AKAP14: variants seen among roughly 807,000 people sequenced by gnomAD.
The protein encoded by AKAP14 is A-kinase anchoring protein 14.
Under a neutral mutation model 17.0 loss-of-function variants are expected in AKAP14, and 4 were observed. The ratio of observed to expected loss-of-function variants is 0.23; its 90% confidence interval spans 0.12 to 0.54. The LOEUF is 0.54. AKAP14 is among the 20% of genes least tolerant of loss of function. AKAP14 has a pLI of 0.95. For synonymous variants in AKAP14, 42 were observed against 51.3 expected, an observed-to-expected ratio of 0.82 and a Z score of 0.77; for missense variants, 129 against 150.9, an observed-to-expected ratio of 0.85 and a Z score of 0.76.
chrX:119,906,522 C>G (rs1461689083), intron 4 of AKAP14, among the ~76,000 whole-genome samples: 1 of 99,239 alleles, frequency 1.0e-5, no homozygotes, highest in Non-Finnish European at 2.0e-5. Context: ...CGTGAGCCAT[C>G]GCGCCCGGCC....
chrX:119,913,151 T>A (rs78438773), intron 4 of AKAP14, among the ~76,000 whole-genome samples: 1,923 of 69,549 alleles, frequency 0.028, 31 homozygotes, highest in African/African-American at 0.13. Context: ...AATAAATAAA[T>A]AAAATAAAAT....
intron 2 of AKAP14, among the ~76,000 whole-genome samples, chrX:119,898,969 C>T (rs1361729544): frequency 3.7e-5 from 4 of 107,438 alleles, no homozygotes; most frequent in Non-Finnish European, 5.8e-5. Context: ...GAGTTCAAGA[C>T]CAGCCTGGCC....
intron 2 of AKAP14, among the ~76,000 whole-genome samples, chrX:119,897,806 G>T (rs2147825225): frequency 9.0e-6 from 1 of 111,323 alleles, no homozygotes; most frequent in South Asian, 3.8e-4. Context: ...GCCAACATCA[G>T]TCTGGGCAAC....
Position 119,897,361 on chromosome X carries a change from G to C in AKAP14, c.-11+1094G>C, listed in dbSNP as rs1432041866. Reference sequence around the variant, plus strand: ...TTTTTAGTAGAGACGGGGTTTCACTGTGTTAGCCAGGATGGTCTCGATCTC... The same window carrying C: ...TTTTTAGTAGAGACGGGGTTTCACTCTGTTAGCCAGGATGGTCTCGATCTC... On this transcript the variant is annotated intron_variant, in intron 2 of 6. Coordinates refer to ENST00000371431, the MANE Select transcript of AKAP14 (RefSeq NM_178813.6). Among the ~76,000 whole-genome samples, 4 of 108,038 alleles carry C rather than the reference G, an allele frequency of 3.7e-5. No individual in the cohort carries two copies. The East Asian group carries it at 1.2e-3, about 32-fold the overall frequency. 93.8% of individuals were successfully genotyped at this position (108,038 alleles called of 115,157 possible). A position where few individuals can be genotyped will look rare whatever the true frequency, so the allele number is the denominator to read the frequency against.
At chrX:119,908,161 C>A (rs1230011105) in intron 4 of AKAP14, among the ~76,000 whole-genome samples, 2 of 110,009 alleles carry the variant, frequency 1.8e-5, no homozygotes, top group Non-Finnish European at 3.8e-5. Context: ...GTAGTGTGTG[C>A]CTGTAATCCC....
chrX:119,904,880 G>A (rs1320767752), intron 4 of AKAP14, among the ~76,000 whole-genome samples: 2 of 96,200 alleles, frequency 2.1e-5, no homozygotes, highest in East Asian at 3.4e-4. Flanking sequence ...GCAAGACTCC[G>A]TCTCAAAAAA....
chrX:119,899,432 G>GCC (rs1291347101), intron 2 of AKAP14, among the ~76,000 whole-genome samples: 1 of 111,294 alleles, frequency 9.0e-6, no homozygotes, highest in Non-Finnish European at 1.9e-5. Context: ...CAAAGGTGTG[G>GCC]CCAGATTGCA....
chrX:119,911,363 AAAAAG>A (rs1415107867), intron 4 of AKAP14, among the ~76,000 whole-genome samples: 2 of 109,843 alleles, frequency 1.8e-5, no homozygotes, highest in Non-Finnish European at 3.8e-5. Context: ...CAAAAAAAAA[AAAAAG>A]AAAAGAAATT....
intron 5 of AKAP14, among the ~76,000 whole-genome samples, chrX:119,917,500 G>A (rs1325333898): frequency 8.9e-6 from 1 of 112,208 alleles, no homozygotes; most frequent in East Asian, 2.8e-4. Flanking sequence ...AGTAACTCGG[G>A]AGGCTGAGGC....
intron 5 of AKAP14, chrX:119,919,644 G>T: frequency 4.2e-6 from 1 of 239,528 alleles, no homozygotes. Flanking sequence ...TCAGGAATTC[G>T]AGACCAGCCT....
At chrX:119,899,458 G>T (rs1603377057) in intron 2 of AKAP14, among the ~76,000 whole-genome samples, 1 of 111,502 alleles carries the variant, frequency 9.0e-6, no homozygotes, top group Admixed American at 9.6e-5. Context: ...ACAGAGGAAG[G>T]TGCAGCTCCC....
intron 2 of AKAP14, among the ~76,000 whole-genome samples, chrX:119,899,212 C>T (rs1299257028): frequency 9.5e-6 from 1 of 104,944 alleles, no homozygotes; most frequent in Non-Finnish European, 1.9e-5. Context: ...GAGAATAGGG[C>T]CCTACTGCTC....
At chrX:119,902,514 A>T (rs1364566888) in intron 2 of AKAP14, among the ~76,000 whole-genome samples, 1 of 111,010 alleles carries the variant, frequency 9.0e-6, no homozygotes, top group Admixed American at 9.7e-5. Context: ...GGCACATGCC[A>T]CCACACCCAC....
chrX:119,906,225 C>CT (rs10637499), intron 4 of AKAP14, among the ~76,000 whole-genome samples: 1,731 of 50,825 alleles, frequency 0.034, 328 homozygotes, highest in African/African-American at 0.097. Context: ...CCTGGCATTT[C>CT]TTTTTTTTTT....
At position 119,907,519 on chromosome X, in the gene AKAP14, G is replaced by A. The variant is rs187337310; in HGVS notation, c.261+3933G>A. On this transcript the variant is annotated intron_variant, in intron 4 of 6. Coordinates refer to ENST00000371431, the MANE Select transcript of AKAP14 (RefSeq NM_178813.6). The stretch of plus-strand genomic sequence containing the variant: ...GTCGCCCAAGCTGGAGTGCAGTGGC[G>A]CAATCTCGGCTCACTGCAGCCTCAA... Among the ~76,000 whole-genome samples the A allele has an allele frequency of 7.3e-5, 8 of 109,680 alleles. No individual in the cohort carries two copies. In the East Asian group the frequency reaches 1.2e-3, roughly 16 times the overall value.
At chrX:119,916,856 C>T (rs1273410040) in intron 5 of AKAP14, among the ~76,000 whole-genome samples, 21 of 101,115 alleles carry the variant, frequency 2.1e-4, no homozygotes, top group Non-Finnish European at 4.0e-4. Flanking sequence ...GCTTGTAATC[C>T]CAGCACTTTG....
intron 4 of AKAP14, among the ~76,000 whole-genome samples, chrX:119,913,029 T>C (rs2056636399): frequency 9.1e-6 from 1 of 109,975 alleles, no homozygotes; most frequent in African/African-American, 3.3e-5. Flanking sequence ...GGCTCATGCC[T>C]GTAATCCCAG....
rs2056678324 is a variant in AKAP14, at chrX:119,919,756, GAA to G, written c.442-154_442-153del. ...AGCTACTCAGGAGGCTGAGGCAGGA[GAA>G]TCACTTGAACCCAGGGGGTGGAGGT... On this transcript the variant is annotated intron_variant, in intron 5 of 6. Transcript: ENST00000371431. 1.1e-5 allele frequency: 5 copies of G among 464,306 alleles called. No homozygotes were observed. The South Asian group carries it at 2.1e-4, about 20-fold the overall frequency. 38.3% of individuals were successfully genotyped at this position (464,306 alleles called of 1,213,427 possible). A position where few individuals can be genotyped will look rare whatever the true frequency, so the allele number is the denominator to read the frequency against.
At chrX:119,908,284 CAA>C (rs549133343) in intron 4 of AKAP14, among the ~76,000 whole-genome samples, 7 of 47,426 alleles carry the variant, frequency 1.5e-4, no homozygotes, top group Admixed American at 2.8e-4. Context: ...GAGACTCTGT[CAA>C]AAAAAAAAAA....
Sources: allele counts gnomAD v4.1 joint callset (sites outside exome capture counted in the v4.1 genomes callset), GRCh38; gene constraint gnomAD v4.1.1; transcripts MANE v1.5; gene names NCBI Gene and HGNC (gene_info 2026-07-23, HGNC 2026-07-21).